CNTNAP3B: variants seen among roughly 807,000 people sequenced by gnomAD.
The protein encoded by CNTNAP3B is contactin-associated protein-like 3B.
In CNTNAP3B, 25 loss-of-function variants were observed where a neutral mutation model predicts 108.9. That is an observed-to-expected ratio of 0.23 (90% CI 0.17 to 0.32). The LOEUF (loss-of-function observed/expected upper bound fraction) is 0.32, where lower values mean the gene tolerates loss of function less well. Ranked by LOEUF, CNTNAP3B falls within the 10% of genes least tolerant of loss-of-function variation. The pLI is 1.00. For missense variants in CNTNAP3B, 252 were observed against 1,210.4 expected (o/e 0.21, Z 11.75); for synonymous variants, 103 against 473.4 (o/e 0.22, Z 10.16).
At chr9:41,927,455 AGAGG>A (rs1359605710) in intron 15 of CNTNAP3B, among the ~76,000 whole-genome samples, 21 of 149,684 alleles carry the variant, frequency 1.4e-4, no homozygotes, top group South Asian at 2.1e-4. Flanking sequence ...AAGAAAGAAG[AGAGG>A]GAGGGAGGGA....
chr9:42,110,465 C>T (rs1828173733), intron 1 of CNTNAP3B, among the ~76,000 whole-genome samples: 1 of 135,286 alleles, frequency 7.4e-6, no homozygotes, highest in Non-Finnish European at 1.6e-5. Context: ...AACACAAAGC[C>T]TATTATTAAA....
intron 3 of CNTNAP3B, among the ~76,000 whole-genome samples, chr9:42,035,387 A>G (rs1215159551): frequency 1.4e-5 from 2 of 146,330 alleles, no homozygotes; most frequent in South Asian, 2.2e-4. Flanking sequence ...CAGCCTGTCA[A>G]TGACAGAGCT....
chr9:41,956,532 G>T (rs987900118), intron 12 of CNTNAP3B, among the ~76,000 whole-genome samples: 1 of 152,092 alleles, frequency 6.6e-6, no homozygotes, highest in African/African-American at 2.4e-5. Flanking sequence ...TATATCATAT[G>T]AAATCCCCAG....
intron 10 of CNTNAP3B, among the ~76,000 whole-genome samples, chr9:41,967,369 TG>T (rs1371415212): frequency 6.6e-6 from 1 of 151,990 alleles, no homozygotes; most frequent in Non-Finnish European, 1.5e-5. Flanking sequence ...TTCTCTTGCG[TG>T]CTGCCATATA....
intron 14 of CNTNAP3B, among the ~76,000 whole-genome samples, chr9:41,933,942 G>C (rs1173217612): frequency 6.6e-6 from 1 of 151,484 alleles, no homozygotes; most frequent in Non-Finnish European, 1.5e-5. Flanking sequence ...ATTCTATAAA[G>C]AAATAATTTT....
chr9:42,112,971 A>G (rs143828018), intron 1 of CNTNAP3B, among the ~76,000 whole-genome samples: 47,358 of 120,322 alleles, frequency 0.39, 12,294 homozygotes, highest in East Asian at 0.65. Context: ...TAGCCAAGAT[A>G]GTATCGATCT....
chr9:42,035,722 A>G (rs1448388631), intron 3 of CNTNAP3B, among the ~76,000 whole-genome samples: 1 of 151,098 alleles, frequency 6.6e-6, no homozygotes, highest in African/African-American at 2.5e-5. Context: ...CAGCAACACA[A>G]TCATACCTCA....
intron 3 of CNTNAP3B, among the ~76,000 whole-genome samples, chr9:42,043,548 TAGTAG>T (rs1826808725): frequency 1.8e-5 from 1 of 57,100 alleles, no homozygotes; most frequent in Admixed American, 2.1e-4. Flanking sequence ...TAGTTTAGTA[TAGTAG>T]AACTATTTTC....
intron 3 of CNTNAP3B, among the ~76,000 whole-genome samples, chr9:42,037,160 C>T (rs574494019): frequency 1.3e-5 from 2 of 148,370 alleles, no homozygotes; most frequent in African/African-American, 5.1e-5. Context: ...CAAAGGAATG[C>T]AGCTCCTCAT....
At chr9:41,969,517 G>A (rs1229876740) in intron 10 of CNTNAP3B, among the ~76,000 whole-genome samples, 15 of 148,188 alleles carry the variant, frequency 1.0e-4, no homozygotes, top group African/African-American at 3.7e-4. Context: ...ATAACTATTA[G>A]CTGAGCAACT....
intron 17 of CNTNAP3B, among the ~76,000 whole-genome samples, chr9:41,921,554 C>T (rs1823667414): frequency 6.6e-6 from 1 of 152,150 alleles, no homozygotes; most frequent in Admixed American, 6.5e-5. Context: ...CGCTTTAAAA[C>T]ACTTAAGAAT....
rs751188506 is a variant in CNTNAP3B at position 41,953,354 on chromosome 9, C to T, written c.1909G>A (p.Gly637Ser). 1 of 1,551,666 alleles carries T rather than the reference C, an allele frequency of 6.4e-7. No homozygotes were observed. Among genetic ancestry groups the T allele is most frequent in the South Asian group, 1.2e-5 (1 of 85,238 alleles). The change falls in exon 13 of 24, where the codon GGC becomes AGC. Residue 637 changes from glycine (G) to serine (S), a missense_variant. Coordinates refer to ENST00000377561, the MANE Select transcript of CNTNAP3B (RefSeq NM_001201380.3). Reference protein sequence around the residue: ...DSAWTVVRHGGPDAVTLRGAP... With the variant: ...DSAWTVVRHGSPDAVTLRGAP... ...CCTCGGAGGGTCACCGCGTCGGGGC[C>T]ACCGTGCCGCACCACCGTCCACGCG... is the stretch of plus-strand genomic sequence containing the variant.
chr9:42,063,838 C>T (rs1261059448), intron 3 of CNTNAP3B, among the ~76,000 whole-genome samples: 1 of 149,946 alleles, frequency 6.7e-6, no homozygotes, highest in Non-Finnish European at 1.5e-5. Flanking sequence ...TCTCCCACCT[C>T]GGCCTCCCAA....
At chr9:41,961,786 A>G (rs1357890944) in intron 11 of CNTNAP3B, among the ~76,000 whole-genome samples, 1 of 152,308 alleles carries the variant, frequency 6.6e-6, no homozygotes, top group Non-Finnish European at 1.5e-5. Flanking sequence ...AGATATCCCT[A>G]TATAATGTAA....
chr9:41,925,805 C>T (rs1227003863), intron 15 of CNTNAP3B, among the ~76,000 whole-genome samples: 2 of 152,256 alleles, frequency 1.3e-5, no homozygotes, highest in African/African-American at 4.8e-5. Context: ...TTTTTTTTTC[C>T]CCTTTGTCAT....
rs1270370306 is a variant in CNTNAP3B at position 41,945,598 on chromosome 9, A to G, written c.2081-7198T>C. The stretch of plus-strand genomic sequence containing the variant: ...ACTTGGACACAGGAAGGGGAACATC[A>G]CACACCGGGGCCTGTCATGGGGTGT... On this transcript the variant is annotated intron_variant, in intron 13 of 23. Transcript: ENST00000377561. Among the ~76,000 whole-genome samples the G allele has an allele frequency of 4.6e-5, 7 of 152,428 alleles. No individual in the cohort carries two copies. In the East Asian group the frequency reaches 1.3e-3, roughly 29 times the overall value.
chr9:42,094,989 CAT>C (rs1482079455), intron 2 of CNTNAP3B, among the ~76,000 whole-genome samples: 3 of 137,346 alleles, frequency 2.2e-5, no homozygotes, highest in Admixed American at 2.2e-4. Flanking sequence ...GGCTAATCAG[CAT>C]ATCAGTCACC....
In CNTNAP3B at chr9:41,931,319, G is replaced by A. The variant is rs1159088884; in HGVS notation, c.2238-1875C>T. Among the ~76,000 whole-genome samples the A allele has an allele frequency of 3.9e-4, 59 of 152,110 alleles. No homozygotes were observed. The East Asian group carries it at 0.011, about 28-fold the overall frequency. On this transcript the variant is annotated intron_variant, in intron 14 of 23. Transcript: ENST00000377561. ...TCACTTTGAGCAGTTATCCTCTGTGGTGGGAACATTACAATTCTCTTCTGG... is the reference window on the plus strand; with the variant it reads ...TCACTTTGAGCAGTTATCCTCTGTGATGGGAACATTACAATTCTCTTCTGG...
intron 13 of CNTNAP3B, among the ~76,000 whole-genome samples, chr9:41,943,483 G>A (rs1157082889): frequency 6.6e-6 from 1 of 151,842 alleles, no homozygotes; most frequent in African/African-American, 2.4e-5. Context: ...CTCCCGAGTA[G>A]CTGGGACTAC....
Sources: allele counts gnomAD v4.1 joint callset (sites outside exome capture counted in the v4.1 genomes callset), GRCh38; gene constraint gnomAD v4.1.1; transcripts MANE v1.5; gene names NCBI Gene and HGNC (gene_info 2026-07-23, HGNC 2026-07-21).